The following CPAMD8 variants were observed in gnomAD, a reference collection of about 807,000 sequenced individuals.
CPAMD8 encodes the protein C3 and PZP like alpha-2-macroglobulin domain containing 8, also known as C3 and PZP-like alpha-2-macroglobulin domain-containing protein 8.
CPAMD8 carries 146 observed loss-of-function variants against 224.7 expected under a neutral mutation model. The observed-to-expected ratio is 0.65, with a 90% CI of 0.57 to 0.75. The LOEUF (loss-of-function observed/expected upper bound fraction) is 0.75. CPAMD8 is among the 30% of genes least tolerant of loss of function. The pLI is 0.00. For missense variants in CPAMD8, 2,301 were observed against 2,537.5 expected (o/e 0.91, Z 2.00); for synonymous variants, 966 against 1,044.6 (o/e 0.92, Z 1.45).
At chr19:16,893,742 A>C (rs1489702451) in intron 41 of CPAMD8, 1 of 181,024 alleles carries the variant, frequency 5.5e-6, no homozygotes, top group African/African-American at 2.3e-5. Flanking sequence ...GTGAGGAAGC[A>C]CCGGGGTCAC....
chr19:16,905,271 AAAT>A (rs915155658), intron 30 of CPAMD8, among the ~76,000 whole-genome samples: 4 of 149,100 alleles, frequency 2.7e-5, no homozygotes, highest in Non-Finnish European at 5.9e-5. Context: ...ACATAAATAA[AAAT>A]AATAATAATA....
At chr19:16,987,681 C>T (rs1323548106) in intron 13 of CPAMD8, among the ~76,000 whole-genome samples, 1 of 152,056 alleles carries the variant, frequency 6.6e-6, no homozygotes, top group African/African-American at 2.4e-5. Context: ...GACAGGGTCT[C>T]GCTCTGTCAC....
chr19:17,026,573 G>A lies in CPAMD8; in HGVS notation c.70C>T (p.Arg24Cys). ...CACGGGGCCTGAGGCTGCGCGGCGCGCACGCCGTCCCGCGCCGACAGCAGC... is the reference window on the plus strand; with the variant it reads ...CACGGGGCCTGAGGCTGCGCGGCGCACACGCCGTCCCGCGCCGACAGCAGC... ...LLLLSARDGV[R>C]AAQPQAPGYL... Residue 24 changes from arginine (R) to cysteine (C), a missense_variant, in exon 1 of 42, where the codon CGC becomes TGC. Transcript: ENST00000443236. 3.9e-6 allele frequency: 6 copies of A among 1,527,484 alleles called. No homozygotes were observed. Among genetic ancestry groups the A allele is most frequent in the Non-Finnish European group, 4.4e-6 (5 of 1,146,638 alleles). 94.6% of individuals were successfully genotyped at this position (1,527,484 alleles called of 1,614,324 possible).
At chr19:16,948,945 AG>A (rs1460219713) in intron 20 of CPAMD8, among the ~76,000 whole-genome samples, 7 of 51,996 alleles carry the variant, frequency 1.3e-4, no homozygotes, top group Non-Finnish European at 2.4e-4. Flanking sequence ...AGAGGAGCAG[AG>A]GGGGGAGGGG....
intron 18 of CPAMD8, among the ~76,000 whole-genome samples, chr19:16,962,180 G>A (rs918264259): frequency 3.3e-5 from 5 of 152,190 alleles, no homozygotes; most frequent in Admixed American, 6.6e-5. Flanking sequence ...AAAGCTGGAC[G>A]GAGAATGACT....
Position 16,904,241 on chromosome 19 carries a change from G to A in CPAMD8, c.4236C>T (p.Gly1412=), listed in dbSNP as rs777458497. ...WLSQQRNALG[G]FSSTQDTCVA... is the part of the protein sequence containing the mutation. ...CCCGGCTCGCCTGAGTGGAGGAGAA[G>A]CCCCCAAGTGCATTTCGCTGCTGGG... The change falls in exon 32 of 42, where the codon GGC becomes GGT. Residue 1412 remains glycine, a synonymous_variant. Transcript: ENST00000443236. 1.0e-5 allele frequency: 15 copies of A among 1,496,926 alleles called. No individual in the cohort carries two copies. The Middle Eastern group carries it at 1.3e-3, about 128-fold the overall frequency. The allele number at this position is 1,496,926 out of a possible 1,614,324, so 92.7% of individuals were successfully genotyped here.
chr19:17,014,841 C>T (rs927923239), intron 3 of CPAMD8, among the ~76,000 whole-genome samples: 6 of 152,140 alleles, frequency 3.9e-5, no homozygotes, highest in East Asian at 1.9e-4. Context: ...TCTATGTGAC[C>T]GGTATTTGAT....
At chr19:16,967,881 A>G (rs1377317046) in intron 18 of CPAMD8, among the ~76,000 whole-genome samples, 1 of 95,502 alleles carries the variant, frequency 1.0e-5, no homozygotes, top group African/African-American at 4.3e-5. Flanking sequence ...ATGTGCATAT[A>G]TACACACACA....
chr19:16,989,706 G>A lies in CPAMD8; in HGVS notation c.1332C>T (p.Leu444=), dbSNP rs781674979. The A allele has an allele frequency of 2.5e-5, 40 of 1,613,766 alleles. No individual in the cohort carries two copies. The highest frequency in any genetic ancestry group is 1.1e-4 in the South Asian group (10 of 91,070). ...GAQYLPSYLS[L]GSWYSPSQCY... is the part of the protein sequence containing the mutation. ...ACTGGCTGGGGGAGTACCAGCTGCC[G>A]AGGGAGAGGTAGCTGGGCAGGTACT... is the stretch of plus-strand genomic sequence containing the variant. Residue 444 remains leucine (L), a synonymous_variant, in exon 13 of 42, where the codon CTC becomes CTT. Transcript: ENST00000443236.
At chr19:16,987,313 C>T (rs1278569580) in intron 13 of CPAMD8, among the ~76,000 whole-genome samples, 1 of 150,366 alleles carries the variant, frequency 6.7e-6, no homozygotes, top group Non-Finnish European at 1.5e-5. Context: ...GTTTGAACTG[C>T]CCACAACACT....
intron 29 of CPAMD8, among the ~76,000 whole-genome samples, chr19:16,908,929 C>T (rs1367933140): frequency 6.6e-6 from 1 of 152,130 alleles, no homozygotes; most frequent in South Asian, 2.1e-4. Context: ...CGGGCCAGGA[C>T]GGGTCTCAAG....
In CPAMD8 at chr19:16,938,433, G is replaced by A. The variant is rs200400599; in HGVS notation, c.2807C>T (p.Pro936Leu). 9.7e-4 allele frequency: 1,523 copies of A among 1,577,466 alleles called. 1 individual carries two copies. The highest frequency in any genetic ancestry group is 5.1e-3 in the African/African-American group (367 of 72,166). Residue 936 changes from proline to leucine, a missense_variant, in exon 23 of 42, where the codon CCC becomes CTC. This residue lies in a region of CPAMD8 where 1,709 missense variants were observed against 1,753.2 expected (regional missense o/e 0.97). Transcript: ENST00000443236. ...GAATGCGCTGTAGGTGTACGCCCGG[G>A]GGACTCCTTCCGCCTGAAACAAAGA... is the stretch of plus-strand genomic sequence containing the variant. ...RSVMVEAEGVPRAYTYSAFFC... is the reference protein window; with the variant it reads ...RSVMVEAEGVLRAYTYSAFFC...
At chr19:16,941,088 A>C (rs966289025) in intron 22 of CPAMD8, among the ~76,000 whole-genome samples, 26 of 152,136 alleles carry the variant, frequency 1.7e-4, no homozygotes, top group Admixed American at 1.3e-3. Flanking sequence ...CTGCCACCAC[A>C]CCTGGCTAAT....
At chr19:16,914,588 A>T in intron 28 of CPAMD8, 69 bp downstream of exon 28, 2 of 1,611,914 alleles carry the variant, frequency 1.2e-6, no homozygotes, top group Non-Finnish European at 1.7e-6. Context: ...GAGTAGGAAC[A>T]GGCAGGTCAG....
intron 20 of CPAMD8, among the ~76,000 whole-genome samples, chr19:16,949,058 GAGGGAGGGAGGAAGGA>G (rs1180661063): frequency 7.4e-6 from 1 of 134,758 alleles, no homozygotes; most frequent in Non-Finnish European, 1.6e-5. Context: ...GGGAGGGGGG[GAGGGAGGGAGGAAGGA>G]AGGGAGGAAG....
intron 1 of CPAMD8, 151 bp from the exon 2 acceptor site, chr19:17,022,332 C>A (rs1035600505): frequency 8.5e-6 from 7 of 826,272 alleles, no homozygotes; most frequent in Non-Finnish European, 1.3e-5. Flanking sequence ...CTGTGCCCCC[C>A]CATCAGTTCT....
In CPAMD8 at chr19:16,904,504, C is replaced by T. The variant is rs750207285; in HGVS notation, c.4076G>A (p.Gly1359Asp). 2 of 1,614,120 alleles carry T rather than the reference C, an allele frequency of 1.2e-6. No individual in the cohort carries two copies. Among genetic ancestry groups the T allele is most frequent in the South Asian group, 2.2e-5 (2 of 91,086 alleles). ...CCTGTCACTGAAGCTCAAGAATGTG[C>T]CCTTGTCCACGTCCCAGGAATTTGA... Reference protein sequence around the residue: ...SLSNSWDVDKGTFLSFSDRVS... With the variant: ...SLSNSWDVDKDTFLSFSDRVS... The change falls in exon 31 of 42, where the codon GGC (glycine) becomes GAC (aspartate). Residue 1359 changes from glycine to aspartate, a missense_variant. Physicochemically the swap from Gly to Asp is moderately conservative, Grantham distance 94. Around this residue, in one of 4 missense-constraint regions of CPAMD8, gnomAD observed 1,709 missense variants for 1,753.2 expected, o/e 0.97. Coordinates refer to ENST00000443236, the MANE Select transcript of CPAMD8 (RefSeq NM_015692.5).
At chr19:17,006,623 C>G (rs1031623963) in intron 7 of CPAMD8, among the ~76,000 whole-genome samples, 1 of 152,176 alleles carries the variant, frequency 6.6e-6, no homozygotes, top group African/African-American at 2.4e-5. Context: ...CTCAACATCT[C>G]TCTCCTGTCC....
chr19:16,916,796 C>T (rs1207775993), intron 27 of CPAMD8, among the ~76,000 whole-genome samples: 1 of 152,020 alleles, frequency 6.6e-6, no homozygotes, highest in Non-Finnish European at 1.5e-5. Context: ...ACCCAAAGCT[C>T]ATCCAGGCCG....
Sources: allele counts gnomAD v4.1 joint callset (sites outside exome capture counted in the v4.1 genomes callset), GRCh38; gene constraint gnomAD v4.1.1; regional missense constraint gnomAD v4.1.1; transcripts MANE v1.5; gene names NCBI Gene and HGNC (gene_info 2026-07-23, HGNC 2026-07-21).